FRMD4B: variants seen among roughly 807,000 people sequenced by gnomAD.
The protein encoded by FRMD4B is FERM domain containing 4B.
Under a neutral mutation model 141.5 loss-of-function variants are expected in FRMD4B, and 74 were observed. The ratio of observed to expected loss-of-function variants is 0.52; its 90% CI spans 0.43 to 0.63. The LOEUF (loss-of-function observed/expected upper bound fraction) is 0.63. Ranked by LOEUF, FRMD4B falls within the 30% of genes least tolerant of loss-of-function variation. The pLI, the probability that FRMD4B is intolerant of heterozygous loss-of-function variation, is 0.00. For synonymous variants in FRMD4B, 506 were observed against 467.9 expected (o/e 1.08, Z -1.05); for missense variants, 1,366 against 1,253.4 (o/e 1.09, Z -1.36).
intron 1 of FRMD4B, among the ~76,000 whole-genome samples, chr3:69,315,648 A>G (rs908249580): frequency 6.6e-6 from 1 of 152,240 alleles, no homozygotes; most frequent in Non-Finnish European, 1.5e-5. Flanking sequence ...CAGCACATAT[A>G]GATGGACCTC....
intron 2 of FRMD4B, among the ~76,000 whole-genome samples, chr3:69,311,723 C>A (rs144824163): frequency 2.0e-5 from 3 of 152,188 alleles, no homozygotes; most frequent in African/African-American, 7.2e-5. Context: ...GCTTGGTTAT[C>A]TGTGATATAT....
chr3:69,175,269 C>T (rs1397934981), intron 22 of FRMD4B, among the ~76,000 whole-genome samples: 1 of 152,134 alleles, frequency 6.6e-6, no homozygotes, highest in African/African-American at 2.4e-5. Context: ...GGAGAAAATG[C>T]CCTACTTCTT....
chr3:69,329,291 G>A (rs1207563633), intron 1 of FRMD4B, among the ~76,000 whole-genome samples: 4 of 152,088 alleles, frequency 2.6e-5, no homozygotes, highest in Non-Finnish European at 5.9e-5. Flanking sequence ...GGGTTGTTGT[G>A]CATAGAACTT....
At chr3:69,476,435 T>C (rs1706000569) in intron 1 of FRMD4B, among the ~76,000 whole-genome samples, 3 of 152,224 alleles carry the variant, frequency 2.0e-5, no homozygotes, top group Admixed American at 1.3e-4. Context: ...TAGCCAGTTT[T>C]CCCAGCACCA....
chr3:69,271,447 A>ACAGC lies in FRMD4B; in HGVS notation c.501+16301_501+16304dup, dbSNP rs565268464. Among the ~76,000 whole-genome samples, 19 of 152,318 alleles carry ACAGC rather than the reference A, an allele frequency of 1.2e-4. No homozygotes were observed. In the South Asian group the frequency reaches 3.9e-3, roughly 32 times the overall value. On this transcript the variant is annotated intron_variant, in intron 5 of 22. Coordinates refer to ENST00000398540, the MANE Select transcript of FRMD4B (RefSeq NM_015123.3). ...TCTCCTTTACCCTCTTAGGGAGGTG[A>ACAGC]CAGCCAAAGATCACAGCACGATGAA...
intron 2 of FRMD4B, among the ~76,000 whole-genome samples, chr3:69,423,620 C>T (rs1286791347): frequency 6.6e-6 from 1 of 152,026 alleles, no homozygotes; most frequent in South Asian, 2.1e-4. Flanking sequence ...CTTAATCACC[C>T]GTGTCAGAAT....
At chr3:69,224,399 T>C (rs1332312097) in intron 8 of FRMD4B, among the ~76,000 whole-genome samples, 7 of 152,224 alleles carry the variant, frequency 4.6e-5, no homozygotes, top group Non-Finnish European at 1.0e-4. Context: ...TGCAAATGAC[T>C]GCAAGACACA....
upstream of FRMD4B, among the ~76,000 whole-genome samples, chr3:69,390,368 C>T (rs1704354792): frequency 1.3e-5 from 2 of 152,132 alleles, no homozygotes; most frequent in African/African-American, 2.4e-5. Flanking sequence ...AGGTCTAGTT[C>T]AATGGTTCTC....
chr3:69,249,630 T>A (rs1050512723), intron 6 of FRMD4B, among the ~76,000 whole-genome samples: 4 of 152,210 alleles, frequency 2.6e-5, no homozygotes, highest in African/African-American at 7.2e-5. Flanking sequence ...CTTTACTTTT[T>A]AAACCAGCAT....
At chr3:69,494,019 G>A (rs977621379) in intron 1 of FRMD4B, among the ~76,000 whole-genome samples, 4 of 152,160 alleles carry the variant, frequency 2.6e-5, no homozygotes, top group African/African-American at 9.7e-5. Context: ...TGGGACTACA[G>A]GTGTAAGCCA....
At chr3:69,447,433 T>G (rs989597277) in intron 1 of FRMD4B, among the ~76,000 whole-genome samples, 1 of 152,154 alleles carries the variant, frequency 6.6e-6, no homozygotes, top group African/African-American at 2.4e-5. Flanking sequence ...AAAATCAACT[T>G]TTTTGAGGTA....
chr3:69,244,668 G>T (rs890271587), intron 7 of FRMD4B, among the ~76,000 whole-genome samples: 20 of 151,946 alleles, frequency 1.3e-4, no homozygotes, highest in Admixed American at 8.5e-4. Flanking sequence ...GCTGACGTGG[G>T]CGGATCACTG....
In FRMD4B at chr3:69,385,884, G is replaced by A. The variant is rs1335981283; in HGVS notation, c.106C>T (p.Leu36=). ...STLRRWYTER[L]RACHQVLRTW... ...CGCAGCACCTGGTGGCAAGCCCGCA[G>A]CCTCTCCGTGTACCATCTCCGCAGC... is the stretch of plus-strand genomic sequence containing the variant. Residue 36 remains leucine, a synonymous_variant, in exon 1 of 23, where the codon CTG becomes TTG. Transcript: ENST00000398540. 1 of 1,600,754 alleles carries A rather than the reference G, an allele frequency of 6.2e-7. No individual in the cohort carries two copies. Among genetic ancestry groups the A allele is most frequent in the Non-Finnish European group, 8.5e-7 (1 of 1,174,404 alleles).
chr3:69,296,223 G>A (rs945789373), intron 4 of FRMD4B, among the ~76,000 whole-genome samples: 1 of 152,004 alleles, frequency 6.6e-6, no homozygotes, highest in Non-Finnish European at 1.5e-5. Context: ...AGCATTCATG[G>A]CCCATCTGTT....
chr3:69,195,200 C>G, intron 15 of FRMD4B, 31 bp downstream of exon 15: 1 of 1,613,114 alleles, frequency 6.2e-7, no homozygotes, highest in Non-Finnish European at 8.5e-7. Flanking sequence ...TTGTCAAACA[C>G]AACTTGATGA....
In FRMD4B at chr3:69,169,011, A is replaced by C. The variant is rs1047105133; in HGVS notation, c.*2850T>G. On this transcript the variant is annotated 3_prime_UTR_variant, in exon 23 of 23. Coordinates refer to ENST00000398540, the MANE Select transcript of FRMD4B (RefSeq NM_015123.3). ...CAGAAAACAAAACAAACAAAAAAAA[A>C]TGTTGTAAAACTGTACTTGTAATAT... 3.4e-5 allele frequency among the ~76,000 whole-genome samples: 5 copies of C among 147,944 alleles called. No individual in the cohort carries two copies. The East Asian group carries it at 7.8e-4, about 23-fold the overall frequency.
chr3:69,474,920 G>A (rs995465859), intron 1 of FRMD4B, among the ~76,000 whole-genome samples: 5 of 152,200 alleles, frequency 3.3e-5, no homozygotes, highest in African/African-American at 1.2e-4. Context: ...AGCAATTCAT[G>A]TGGTCCAGGA....
intron 1 of FRMD4B, among the ~76,000 whole-genome samples, chr3:69,518,573 C>T (rs1700801328): frequency 6.6e-6 from 1 of 152,194 alleles, no homozygotes; most frequent in Non-Finnish European, 1.5e-5. Context: ...TTAAGGAACT[C>T]TGTGGTCCAC....
intron 1 of FRMD4B, among the ~76,000 whole-genome samples, chr3:69,537,422 T>C (rs977147169): frequency 6.6e-6 from 1 of 152,222 alleles, no homozygotes; most frequent in African/African-American, 2.4e-5. Flanking sequence ...AGGAGGTGTA[T>C]TCTTCAAATA....
Sources: gnomAD v4.1 joint callset for allele counts (sites outside exome capture counted in the v4.1 genomes callset) on GRCh38, gnomAD v4.1.1 for gene constraint, MANE v1.5 for transcripts, NCBI Gene and HGNC (gene_info 2026-07-23, HGNC 2026-07-21) for gene names.